Variants in AK4 observed in about 807,000 individuals in gnomAD.
AK4 encodes the protein adenylate kinase 4, also known as adenylate kinase 4, mitochondrial.
In AK4, 13 loss-of-function variants were observed where a neutral mutation model predicts 24.6. The observed-to-expected ratio is 0.53, with a 90% CI of 0.34 to 0.84. The LOEUF is 0.84. AK4 is among the 40% of genes least tolerant of loss of function. AK4 has a pLI of 0.01. For missense variants in AK4, 192 were observed against 288.2 expected, an observed-to-expected ratio of 0.67 and a Z score of 2.42; for synonymous variants, 88 against 107.0, an observed-to-expected ratio of 0.82 and a Z score of 1.10.
In AK4 at chr1:65,155,388, G is replaced by A. The variant is rs1230806118; in HGVS notation, c.145+6836G>A. ...CTTAAGAGGCTGAGGCAGGACAATCGCTTGAATCCAGGAGGCAGAGGTTGC... is the reference window on the plus strand; with the variant it reads ...CTTAAGAGGCTGAGGCAGGACAATCACTTGAATCCAGGAGGCAGAGGTTGC... On this transcript the variant is annotated intron_variant, in intron 1 of 4. Coordinates refer to ENST00000327299, the MANE Select transcript of AK4 (RefSeq NM_013410.4). Among the ~76,000 whole-genome samples the A allele has an allele frequency of 3.3e-5, 5 of 152,010 alleles. 1 individual carries two copies. The highest frequency in any genetic ancestry group is 2.6e-4 in the Admixed American group (4 of 15,274).
intron 1 of AK4, among the ~76,000 whole-genome samples, chr1:65,188,486 A>AT (rs1326908088): frequency 2.0e-5 from 3 of 151,944 alleles, no homozygotes; most frequent in Non-Finnish European, 2.9e-5. Context: ...TTTTATTTTT[A>AT]TTTTTTGTTT....
chr1:65,188,097 A>C (rs1651163899), intron 1 of AK4, among the ~76,000 whole-genome samples: 1 of 152,090 alleles, frequency 6.6e-6, no homozygotes, highest in African/African-American at 2.4e-5. Context: ...ACCTAAATTA[A>C]AGGTGAAAGT....
intron 1 of AK4, among the ~76,000 whole-genome samples, 158 bp downstream of exon 1, chr1:65,148,710 G>T (rs891812596): frequency 3.0e-5 from 4 of 132,932 alleles, no homozygotes; most frequent in African/African-American, 1.1e-4. Flanking sequence ...GCGGCCGCGC[G>T]GCTTAACCGC....
At chr1:65,186,108 T>C (rs992606977) in intron 1 of AK4, among the ~76,000 whole-genome samples, 5 of 152,152 alleles carry the variant, frequency 3.3e-5, no homozygotes. Flanking sequence ...TCATGCAACA[T>C]ATTTTTTAAA....
chr1:65,185,700 G>C (rs960947446), intron 1 of AK4, among the ~76,000 whole-genome samples: 10 of 144,874 alleles, frequency 6.9e-5, no homozygotes, highest in Non-Finnish European at 1.3e-4. Flanking sequence ...TGTAACCTCC[G>C]CCTCTTGGGC....
At chr1:65,189,430 C>T (rs938869408) in intron 1 of AK4, among the ~76,000 whole-genome samples, 1 of 151,866 alleles carries the variant, frequency 6.6e-6, no homozygotes, top group Non-Finnish European at 1.5e-5. Flanking sequence ...AGGCATGCAC[C>T]ACCATGCCTG....
At chr1:65,199,600 T>C (rs545549478) in intron 2 of AK4, among the ~76,000 whole-genome samples, 2 of 152,240 alleles carry the variant, frequency 1.3e-5, no homozygotes, top group African/African-American at 4.8e-5. Context: ...ACTGTAACAG[T>C]GTTCCCCTGA....
At chr1:65,185,423 C>G (rs1464251156) in intron 1 of AK4, among the ~76,000 whole-genome samples, 1 of 152,118 alleles carries the variant, frequency 6.6e-6, no homozygotes, top group Non-Finnish European at 1.5e-5. Flanking sequence ...CCATCTAGCA[C>G]CATCTCTTAG....
At chr1:65,156,565 G>A (rs1235141782) in intron 1 of AK4, among the ~76,000 whole-genome samples, 2 of 152,006 alleles carry the variant, frequency 1.3e-5, no homozygotes, top group East Asian at 3.9e-4. Context: ...TTTGAAAATT[G>A]AGAACCAAAG....
chr1:65,154,832 G>T (rs1416941195), intron 1 of AK4, among the ~76,000 whole-genome samples: 4 of 150,708 alleles, frequency 2.7e-5, no homozygotes, highest in African/African-American at 7.4e-5. Context: ...GGCCAAAATA[G>T]AACTTAAATC....
chr1:65,215,809 T>C (rs1652111953), intron 2 of AK4, among the ~76,000 whole-genome samples: 1 of 152,226 alleles, frequency 6.6e-6, no homozygotes, highest in African/African-American at 2.4e-5. Context: ...ACAAAGAAAC[T>C]AGCCAATAAG....
At chr1:65,186,162 G>A (rs752682401) in intron 1 of AK4, among the ~76,000 whole-genome samples, 2 of 151,918 alleles carry the variant, frequency 1.3e-5, no homozygotes, top group Non-Finnish European at 2.9e-5. Context: ...TTGAGACAGA[G>A]TCTCGCTCTG....
At chr1:65,192,597 CTT>C (rs1651340751) in intron 2 of AK4, among the ~76,000 whole-genome samples, 1 of 152,180 alleles carries the variant, frequency 6.6e-6, no homozygotes, top group Non-Finnish European at 1.5e-5. Context: ...AAAGTCTTAA[CTT>C]AGCATCAACT....
At chr1:65,179,750 G>C (rs1650837713) in intron 1 of AK4, among the ~76,000 whole-genome samples, 1 of 151,898 alleles carries the variant, frequency 6.6e-6, no homozygotes, top group African/African-American at 2.4e-5. Flanking sequence ...CGGGAGAATC[G>C]CTTGAGTCTG....
chr1:65,165,524 G>A (rs1249332144), intron 1 of AK4, among the ~76,000 whole-genome samples: 2 of 150,566 alleles, frequency 1.3e-5, no homozygotes, highest in African/African-American at 2.5e-5. Flanking sequence ...TAGCCACTGC[G>A]TTCCAGTCTA....
At position 65,230,015 on chromosome 1, in the gene AK4, A is replaced by G. The variant is rs1652586016; in HGVS notation, c.*3838A>G. 6.6e-6 allele frequency: 1 copy of G among 152,236 alleles called. No individual in the cohort carries two copies. Among genetic ancestry groups the G allele is most frequent in the African/African-American group, 2.4e-5 (1 of 41,462 alleles). 9.4% of individuals were successfully genotyped at this position (152,236 alleles called of 1,614,324 possible). A position where few individuals can be genotyped will look rare whatever the true frequency, so the allele number is the denominator to read the frequency against. The stretch of plus-strand genomic sequence containing the variant: ...ACTCCTGACTTTTGTACCATTGTCT[A>G]TTCCATTACACATTAACATGACTCT... On this transcript the variant is annotated 3_prime_UTR_variant, in exon 5 of 5. Transcript: ENST00000327299.
At chr1:65,222,552 G>A (rs1337811874) in intron 3 of AK4, among the ~76,000 whole-genome samples, 1 of 152,138 alleles carries the variant, frequency 6.6e-6, no homozygotes, top group African/African-American at 2.4e-5. Context: ...AAACAGGGTT[G>A]TATTTGCTGA....
chr1:65,175,769 G>A (rs191568406), intron 1 of AK4, among the ~76,000 whole-genome samples: 283 of 152,270 alleles, frequency 1.9e-3, no homozygotes, highest in Non-Finnish European at 2.9e-3. Context: ...TGAGGAGACG[G>A]TTAAACATTC....
intron 2 of AK4, among the ~76,000 whole-genome samples, chr1:65,195,472 A>G (rs1233309563): frequency 6.6e-6 from 1 of 152,198 alleles, no homozygotes; most frequent in African/African-American, 2.4e-5. Flanking sequence ...TCATCTTGCA[A>G]AATGAATTTG....
Sources: allele counts gnomAD v4.1 joint callset (sites outside exome capture counted in the v4.1 genomes callset), GRCh38; gene constraint gnomAD v4.1.1; transcripts MANE v1.5; gene names NCBI Gene and HGNC (gene_info 2026-07-23, HGNC 2026-07-21).